The following USP4 variants were observed in gnomAD, a reference collection of about 807,000 sequenced individuals.
USP4 encodes ubiquitin specific peptidase 4.
USP4 carries 72 observed loss-of-function variants against 118.2 expected under a neutral mutation model. That is an observed-to-expected ratio of 0.61 (90% CI 0.50 to 0.74). The LOEUF is 0.74. Among genes scored for constraint, USP4 ranks in the 30% least tolerant of loss-of-function variants. The pLI, the probability that USP4 is intolerant of heterozygous loss-of-function variation, is 0.00. For synonymous variants in USP4, 415 were observed against 440.4 expected (o/e 0.94, Z 0.72); for missense variants, 1,037 against 1,185.7 (o/e 0.87, Z 1.84).
chr3:49,277,814 C>G lies in USP4; in HGVS notation c.*479G>C, dbSNP rs1323582037. The G allele has an allele frequency of 4.2e-6, 1 of 235,326 alleles. No individual in the cohort carries two copies. Among genetic ancestry groups the G allele is most frequent in the Non-Finnish European group, 8.1e-6 (1 of 123,578 alleles). The allele number at this position is 235,326 out of a possible 1,614,324, so 14.6% of individuals were successfully genotyped here. A position where few individuals can be genotyped will look rare whatever the true frequency, so the allele number is the denominator to read the frequency against. ...GGGTAACTTTCAGAAAATTATAAAC[C>G]CATATCAGTGCACATAGCGAGGGAA... is the stretch of plus-strand genomic sequence containing the variant. On this transcript the variant is annotated 3_prime_UTR_variant, in exon 22 of 22. Transcript: ENST00000265560.
chr3:49,337,501 C>T (rs1288501672), intron 1 of USP4, among the ~76,000 whole-genome samples: 1 of 152,132 alleles, frequency 6.6e-6, no homozygotes, highest in African/African-American at 2.4e-5. Flanking sequence ...ACAATCATAG[C>T]TCTCTGTAGC....
At chr3:49,309,922 GC>G (rs1461100236) in intron 8 of USP4, among the ~76,000 whole-genome samples, 25 of 74,962 alleles carry the variant, frequency 3.3e-4, no homozygotes, top group Non-Finnish European at 5.4e-4. Context: ...CCACAGTGCT[GC>G]CCCCGGACTT....
intron 15 of USP4, among the ~76,000 whole-genome samples, chr3:49,291,884 G>A (rs2047155545): frequency 6.6e-6 from 1 of 151,410 alleles, no homozygotes; most frequent in Non-Finnish European, 1.5e-5. Context: ...CGCGATCTTG[G>A]CTCACTGCAA....
chr3:49,280,734 C>T lies in USP4; in HGVS notation c.2644+10G>A. On this transcript the variant is annotated intron_variant, in intron 20 of 21. Transcript: ENST00000265560. ...CAACATCTCAGAAGGAAGCAGATGTCAATACTTACAGTGGCCAACCCCCAT... is the reference window on the plus strand; with the variant it reads ...CAACATCTCAGAAGGAAGCAGATGTTAATACTTACAGTGGCCAACCCCCAT... The T allele has an allele frequency of 6.2e-7, 1 of 1,611,010 alleles. No homozygotes were observed. Among genetic ancestry groups the T allele is most frequent in the African/African-American group, 1.3e-5 (1 of 74,926 alleles).
chr3:49,329,942 C>A (rs1189117873), intron 2 of USP4, among the ~76,000 whole-genome samples: 2 of 152,008 alleles, frequency 1.3e-5, no homozygotes, highest in African/African-American at 4.8e-5. Context: ...AAGTTTGAGA[C>A]CAGCCTGGCC....
chr3:49,308,444 C>G (rs1371484575), intron 8 of USP4, among the ~76,000 whole-genome samples: 1 of 152,074 alleles, frequency 6.6e-6, no homozygotes, highest in East Asian at 1.9e-4. Context: ...CTCAGCCTCC[C>G]AAGTAGCTGG....
chr3:49,312,630 G>C, intron 6 of USP4: 1 of 371,362 alleles, frequency 2.7e-6, no homozygotes, highest in Non-Finnish European at 5.4e-6. Context: ...CAAAAAAAAA[G>C]AAAATAAAGA....
At chr3:49,316,313 T>G (rs533282523) in intron 6 of USP4, among the ~76,000 whole-genome samples, 1 of 152,170 alleles carries the variant, frequency 6.6e-6, no homozygotes, top group African/African-American at 2.4e-5. Context: ...ATTTTGAGAG[T>G]GTCTCACTCT....
At chr3:49,290,605 C>T (rs1485033483) in intron 15 of USP4, among the ~76,000 whole-genome samples, 2 of 152,144 alleles carry the variant, frequency 1.3e-5, no homozygotes, top group Non-Finnish European at 2.9e-5. Flanking sequence ...ACCTCCGCTT[C>T]CTGGGTTCAA....
intron 6 of USP4, among the ~76,000 whole-genome samples, chr3:49,320,979 G>A (rs1027449929): frequency 1.3e-5 from 2 of 152,126 alleles, no homozygotes; most frequent in African/African-American, 4.8e-5. Flanking sequence ...GCCAGGTATT[G>A]TCATATGATT....
chr3:49,290,914 G>C (rs767798455), intron 15 of USP4, among the ~76,000 whole-genome samples: 99 of 151,950 alleles, frequency 6.5e-4, no homozygotes, highest in Non-Finnish European at 1.1e-3. Context: ...GGCAGGTTGA[G>C]GCTGCAGTAA....
At chr3:49,309,066 G>C (rs1448222746) in intron 8 of USP4, among the ~76,000 whole-genome samples, 1 of 147,890 alleles carries the variant, frequency 6.8e-6, no homozygotes, top group Non-Finnish European at 1.5e-5. Context: ...AAAGTACCAT[G>C]TACTGACTCC....
At chr3:49,326,320 C>CA (rs1184769418) in intron 3 of USP4, among the ~76,000 whole-genome samples, 1 of 141,662 alleles carries the variant, frequency 7.1e-6, no homozygotes, top group East Asian at 2.1e-4. Context: ...CTGTACCCCG[C>CA]AAAAAAATAT....
At chr3:49,316,863 T>C in intron 6 of USP4, 3 of 588,844 alleles carry the variant, frequency 5.1e-6, no homozygotes, top group Non-Finnish European at 9.1e-6. Context: ...AGAGCTGACC[T>C]AGAGCCCACC....
intron 10 of USP4, among the ~76,000 whole-genome samples, chr3:49,301,303 C>T (rs1014095077): frequency 6.6e-5 from 10 of 152,054 alleles, no homozygotes; most frequent in African/African-American, 1.9e-4. Context: ...GTCTGTGTGT[C>T]CTGATAAGAA....
intron 6 of USP4, among the ~76,000 whole-genome samples, chr3:49,324,095 T>C (rs2047527556): frequency 6.6e-6 from 1 of 152,118 alleles, no homozygotes; most frequent in South Asian, 2.1e-4. Flanking sequence ...ACCTCCTGGA[T>C]TCAAGCGACT....
intron 6 of USP4, among the ~76,000 whole-genome samples, chr3:49,319,726 G>C (rs1212742801): frequency 6.6e-6 from 1 of 151,828 alleles, no homozygotes; most frequent in Non-Finnish European, 1.5e-5. Flanking sequence ...CAATTCTCCT[G>C]CCTCAGCCTC....
At chr3:49,332,822 G>C (rs2047632302) in intron 2 of USP4, among the ~76,000 whole-genome samples, 2 of 152,058 alleles carry the variant, frequency 1.3e-5, no homozygotes, top group Non-Finnish European at 2.9e-5. Context: ...TTGAGCCCAG[G>C]AATTCAAGAT....
At chr3:49,330,854 C>CA (rs1191262486) in intron 2 of USP4, among the ~76,000 whole-genome samples, 1 of 151,134 alleles carries the variant, frequency 6.6e-6, no homozygotes, top group African/African-American at 2.4e-5. Context: ...ACTAAAAATA[C>CA]AAAAAAAGTA....
Sources: allele counts gnomAD v4.1 joint callset (sites outside exome capture counted in the v4.1 genomes callset), GRCh38; gene constraint gnomAD v4.1.1; transcripts MANE v1.5; gene names NCBI Gene and HGNC (gene_info 2026-07-23, HGNC 2026-07-21).